TLN2: variants seen among roughly 807,000 people sequenced by gnomAD.
TLN2 encodes the protein talin 2.
A neutral mutation model predicts 294.7 loss-of-function variants in TLN2; 118 were observed. The ratio of observed to expected loss-of-function variants is 0.40; its 90% CI spans 0.34 to 0.47. The LOEUF (loss-of-function observed/expected upper bound fraction) is 0.47, where lower values mean the gene tolerates loss of function less well. Ranked by LOEUF, TLN2 falls within the 20% of genes least tolerant of loss-of-function variation. The pLI, the probability that TLN2 is intolerant of heterozygous loss-of-function variation, is 0.84. For synonymous variants in TLN2, 1,431 were observed against 1,304.5 expected, an observed-to-expected ratio of 1.10 and a Z score of -2.09; for missense variants, 3,083 against 3,282.2, an observed-to-expected ratio of 0.94 and a Z score of 1.48.
At chr15:62,523,924 C>G (rs954860438) in intron 1 of TLN2, among the ~76,000 whole-genome samples, 3 of 152,222 alleles carry the variant, frequency 2.0e-5, no homozygotes, top group African/African-American at 7.2e-5. Flanking sequence ...CCGATCCCAG[C>G]TGGGAAGAGC....
chr15:62,662,783 G>A (rs114061890), intron 9 of TLN2, among the ~76,000 whole-genome samples: 1,971 of 151,780 alleles, frequency 0.013, 43 homozygotes, highest in South Asian at 0.052. Context: ...AAGGCAGAAA[G>A]GGGGAATAGG....
At chr15:62,487,612 C>A (rs962410565) in intron 1 of TLN2, among the ~76,000 whole-genome samples, 1 of 152,028 alleles carries the variant, frequency 6.6e-6, no homozygotes, top group African/African-American at 2.4e-5. Context: ...GTGGGAAGCT[C>A]ACTTGAGCCC....
chr15:62,639,951 G>A (rs928666930), intron 3 of TLN2, among the ~76,000 whole-genome samples: 31 of 152,204 alleles, frequency 2.0e-4, no homozygotes, highest in African/African-American at 7.5e-4. Context: ...TCCCAGTGAA[G>A]GCATGACTTG....
intron 1 of TLN2, among the ~76,000 whole-genome samples, chr15:62,558,366 C>G (rs1367313895): frequency 6.6e-6 from 1 of 152,094 alleles, no homozygotes; most frequent in Non-Finnish European, 1.5e-5. Flanking sequence ...TCTTAAGGAC[C>G]TGCTTGTATC....
intron 15 of TLN2, among the ~76,000 whole-genome samples, 168 bp downstream of exon 15, chr15:62,698,036 C>T (rs909056900): frequency 6.6e-6 from 1 of 152,216 alleles, no homozygotes; most frequent in Non-Finnish European, 1.5e-5. Flanking sequence ...GGATCACTGC[C>T]TGTTTAGTAT....
intron 1 of TLN2, among the ~76,000 whole-genome samples, chr15:62,498,552 T>C (rs2039138419): frequency 6.6e-6 from 1 of 152,130 alleles, no homozygotes; most frequent in Non-Finnish European, 1.5e-5. Context: ...GTCTCTTCAT[T>C]TGCCAAGGGA....
Position 62,454,013 on chromosome 15 carries a change from C to T in TLN2, c.-238+63328C>T, listed in dbSNP as rs150587852. ...AGTGGCTGACCCCTGGCCACCTGTGCGGGAGTGTGAGTGGCTGCCTGCTGC... is the reference window on the plus strand; with the variant it reads ...AGTGGCTGACCCCTGGCCACCTGTGTGGGAGTGTGAGTGGCTGCCTGCTGC... On this transcript the variant is annotated intron_variant, in intron 1 of 58. Transcript: ENST00000636159. 7.3e-3 allele frequency among the ~76,000 whole-genome samples: 1,113 copies of T among 152,268 alleles called. 5 individuals are homozygous for T. Among genetic ancestry groups the T allele is most frequent in the Non-Finnish European group, 0.01 (711 of 68,020 alleles).
At chr15:62,391,146 G>T (rs1043130993) in intron 1 of TLN2, among the ~76,000 whole-genome samples, 2 of 152,262 alleles carry the variant, frequency 1.3e-5, no homozygotes, top group Admixed American at 6.5e-5. Flanking sequence ...TGGAGGAGCA[G>T]CTTCATTCCA....
intron 1 of TLN2, among the ~76,000 whole-genome samples, chr15:62,440,746 A>T (rs1416818798): frequency 6.6e-6 from 1 of 152,232 alleles, no homozygotes; most frequent in Non-Finnish European, 1.5e-5. Flanking sequence ...TAGAGCTGTC[A>T]TGGAAAGCAG....
At chr15:62,474,371 G>C (rs1207439400) in intron 1 of TLN2, among the ~76,000 whole-genome samples, 1 of 152,114 alleles carries the variant, frequency 6.6e-6, no homozygotes, top group Non-Finnish European at 1.5e-5. Context: ...GGCCAGTCTT[G>C]GTGGCACATG....
At chr15:62,471,481 G>T (rs1288157822) in intron 1 of TLN2, among the ~76,000 whole-genome samples, 1 of 152,238 alleles carries the variant, frequency 6.6e-6, no homozygotes, top group Non-Finnish European at 1.5e-5. Flanking sequence ...GTGTGCTCCA[G>T]TGTGCTACCC....
At chr15:62,695,123 G>A (rs1179531405) in intron 14 of TLN2, among the ~76,000 whole-genome samples, 1 of 152,110 alleles carries the variant, frequency 6.6e-6, no homozygotes, top group Non-Finnish European at 1.5e-5. Flanking sequence ...TTATAGATGA[G>A]GAGATAGGTT....
chr15:62,566,578 C>A (rs959772215), intron 1 of TLN2, among the ~76,000 whole-genome samples: 1 of 150,340 alleles, frequency 6.7e-6, no homozygotes, highest in Non-Finnish European at 1.5e-5. Context: ...CCTGATGAGT[C>A]TTTCTAAAAA....
At chr15:62,750,770 A>T (rs910153908) in intron 34 of TLN2, among the ~76,000 whole-genome samples, 15 of 152,190 alleles carry the variant, frequency 9.9e-5, no homozygotes, top group African/African-American at 2.7e-4. Flanking sequence ...ACTATCTCCC[A>T]GGTCCTGCCC....
At chr15:62,829,863 A>T (rs561076001) in intron 54 of TLN2, 1 of 152,122 alleles carries the variant, frequency 6.6e-6, no homozygotes, top group Non-Finnish European at 1.5e-5. Flanking sequence ...TGATTTCTGG[A>T]TCCCACAAAT....
chr15:62,765,138 C>T (rs1006803172), intron 40 of TLN2, among the ~76,000 whole-genome samples: 7 of 151,616 alleles, frequency 4.6e-5, no homozygotes, highest in African/African-American at 1.7e-4. Context: ...CCTGATCATA[C>T]ACCCTATTTA....
intron 1 of TLN2, among the ~76,000 whole-genome samples, chr15:62,481,530 T>G (rs1371087580): frequency 6.6e-6 from 1 of 152,122 alleles, no homozygotes; most frequent in African/African-American, 2.4e-5. Flanking sequence ...GCCTAGCTAA[T>G]TTTTTATTTT....
At chr15:62,695,539 C>T (rs187392605) in intron 14 of TLN2, among the ~76,000 whole-genome samples, 6 of 152,274 alleles carry the variant, frequency 3.9e-5, no homozygotes, top group South Asian at 2.1e-4. Flanking sequence ...TCAGATCTTG[C>T]GATGTTTCCC....
intron 52 of TLN2, 98 bp from the exon 53 acceptor site, chr15:62,819,418 A>C: frequency 1.0e-6 from 1 of 991,598 alleles, no homozygotes; most frequent in East Asian, 2.4e-5. Context: ...ACTTAAAACC[A>C]GGCTGCCTGA....
Sources: allele counts gnomAD v4.1 joint callset (sites outside exome capture counted in the v4.1 genomes callset), GRCh38; gene constraint gnomAD v4.1.1; transcripts MANE v1.5; gene names NCBI Gene and HGNC (gene_info 2026-07-23, HGNC 2026-07-21).